The following ATP2B3 variants were observed in gnomAD, a reference collection of about 807,000 sequenced individuals.
The protein encoded by ATP2B3 is ATPase plasma membrane Ca2+ transporting 3.
Under a neutral mutation model 70.8 loss-of-function variants are expected in ATP2B3, and 12 were observed. The observed-to-expected ratio is 0.17, with a 90% CI of 0.11 to 0.27. ATP2B3 has a LOEUF of 0.27. ATP2B3 is among the 10% of genes least tolerant of loss of function. The pLI is 1.00. For missense variants in ATP2B3, 858 were observed against 1,118.5 expected, an observed-to-expected ratio of 0.77 and a Z score of 3.32; for synonymous variants, 460 against 497.8, an observed-to-expected ratio of 0.92 and a Z score of 1.01.
chrX:153,533,515 G>A (rs1389125550), intron 2 of ATP2B3, among the ~76,000 whole-genome samples: 1 of 110,713 alleles, frequency 9.0e-6, no homozygotes, highest in East Asian at 2.8e-4. Context: ...GACTGAAACA[G>A]GGGCTCGCTG....
At chrX:153,523,759 G>A (rs184559824) in intron 2 of ATP2B3, among the ~76,000 whole-genome samples, 3,715 of 90,042 alleles carry the variant, frequency 0.041, 98 homozygotes, top group East Asian at 0.13. Flanking sequence ...GCAGTGGCGC[G>A]ATCTCAGCTC....
chrX:153,556,386 C>T lies in ATP2B3; in HGVS notation c.2294C>T (p.Ser765Leu), dbSNP rs1557013632. 1 of 1,205,866 alleles carries T rather than the reference C, an allele frequency of 8.3e-7. No individual in the cohort carries two copies. Among genetic ancestry groups the T allele is most frequent in the Non-Finnish European group, 1.1e-6 (1 of 893,195 alleles). Residue 765 changes from serine (S) to leucine (L), a missense_variant, in exon 15 of 22, where the codon TCG (serine) becomes TTG (leucine). Physicochemically the swap from Ser to Leu is moderately radical, Grantham distance 145. This residue lies in a region of ATP2B3 where 242 missense variants were observed against 281.3 expected (regional missense o/e 0.86). Coordinates refer to ENST00000263519, the MANE Select transcript of ATP2B3 (RefSeq NM_001001344.3). ...VWPKLRVLAR[S>L]SPTDKHTLVK... Reference sequence around the variant, plus strand: ...CCCAAGCTGAGGGTGCTGGCCCGGTCGTCTCCCACCGACAAGCACACACTG... The same window carrying T: ...CCCAAGCTGAGGGTGCTGGCCCGGTTGTCTCCCACCGACAAGCACACACTG...
At chrX:153,571,003 TACACACAC>T (rs879951205) in intron 21 of ATP2B3, among the ~76,000 whole-genome samples, 6 of 87,623 alleles carry the variant, frequency 6.8e-5, no homozygotes, top group African/African-American at 2.5e-4. Context: ...CGTGCGCGCG[TACACACAC>T]ACACACACAC....
rs1481889564 is a variant in ATP2B3 at position 153,549,748 on chromosome X, G to C, written c.1581+9G>C. On this transcript the variant is annotated intron_variant, in intron 11 of 21. Coordinates refer to ENST00000263519, the MANE Select transcript of ATP2B3 (RefSeq NM_001001344.3). ...ATACCACCAAAATACTAGTGAGCTG[G>C]GGCAGGAGCGGGCGGGCAGGGCCGG... is the stretch of plus-strand genomic sequence containing the variant. 8.3e-7 allele frequency: 1 copy of C among 1,205,132 alleles called. No homozygotes were observed. The highest frequency in any genetic ancestry group is 1.1e-6 in the Non-Finnish European group (1 of 892,541).
At chrX:153,571,016 A>G (rs1557019766) in intron 21 of ATP2B3, among the ~76,000 whole-genome samples, 2 of 107,408 alleles carry the variant, frequency 1.9e-5, no homozygotes, top group African/African-American at 6.8e-5. Context: ...ACACACACAC[A>G]CACACACACA....
At position 153,536,012 on chromosome X, in the gene ATP2B3, G is replaced by A. The variant is rs782380582; in HGVS notation, c.-126-110G>A. ...GCCTGGGAGGTGATTTCTGCACTTC[G>A]AGGGTCATGGCACAGACTGAGTGAA... On this transcript the variant is annotated intron_variant, in intron 2 of 21. Coordinates refer to ENST00000263519, the MANE Select transcript of ATP2B3 (RefSeq NM_001001344.3). 1.0e-3 allele frequency: 457 copies of A among 437,472 alleles called. 1 individual carries two copies. The highest frequency in any genetic ancestry group is 1.6e-3 in the Non-Finnish European group (393 of 249,277). The allele number at this position is 437,472 out of a possible 1,213,427, so 36.1% of individuals were successfully genotyped here. A position where few individuals can be genotyped will look rare whatever the true frequency, so the allele number is the denominator to read the frequency against.
At chrX:153,518,278 C>T (rs111310928) in intron 1 of ATP2B3, among the ~76,000 whole-genome samples, 154 bp from the exon 2 acceptor site, 1 of 112,300 alleles carries the variant, frequency 8.9e-6, no homozygotes, top group Non-Finnish European at 1.9e-5. Flanking sequence ...CCCTCCCCCC[C>T]GCGCCCTCAC....
intron 2 of ATP2B3, among the ~76,000 whole-genome samples, chrX:153,530,651 C>A (rs1251518819): frequency 8.9e-6 from 1 of 111,809 alleles, no homozygotes; most frequent in African/African-American, 3.3e-5. Flanking sequence ...GGCTGCCCTG[C>A]AGGGCAGAGC....
In ATP2B3 at chrX:153,579,833, C is replaced by T. The variant is rs73630422; in HGVS notation, c.3343-145C>T. The T allele has an allele frequency of 0.013, 6,562 of 503,839 alleles. 280 individuals are homozygous for T. The African/African-American group carries it at 0.13, about 10-fold the overall frequency. The allele number at this position is 503,839 out of a possible 1,213,427, so 41.5% of individuals were successfully genotyped here. On this transcript the variant is annotated intron_variant, in intron 21 of 21. Transcript: ENST00000263519. ...TCATGCCATGACCCCCAGCCATTGA[C>T]GTGGGTGGAATTTACCAGCACCAGC...
intron 13 of ATP2B3, among the ~76,000 whole-genome samples, chrX:153,555,355 G>A (rs2090518545): frequency 9.0e-6 from 1 of 110,598 alleles, no homozygotes; most frequent in South Asian, 3.9e-4. Flanking sequence ...CCCAGGCCTG[G>A]CGGCTCGGCC....
intron 15 of ATP2B3, 147 bp downstream of exon 15, chrX:153,556,565 A>C: frequency 1.6e-6 from 1 of 624,342 alleles, no homozygotes; most frequent in East Asian, 3.6e-5. Flanking sequence ...GCAGCAGGGC[A>C]GGGGCCCATG....
chrX:153,578,826 C>T (rs781997398), intron 21 of ATP2B3, among the ~76,000 whole-genome samples: 11 of 112,207 alleles, frequency 9.8e-5, no homozygotes, highest in Non-Finnish European at 1.3e-4. Flanking sequence ...GAGGAGGAGA[C>T]GGGAGAGAGG....
chrX:153,534,066 A>G (rs951197826), intron 2 of ATP2B3, among the ~76,000 whole-genome samples: 9 of 111,932 alleles, frequency 8.0e-5, no homozygotes, highest in African/African-American at 2.6e-4. Flanking sequence ...GGGGGCACAG[A>G]GCCTGAACCT....
At chrX:153,558,410 T>A in intron 17 of ATP2B3, 107 bp downstream of exon 17, 1 of 846,652 alleles carries the variant, frequency 1.2e-6, no homozygotes, top group South Asian at 3.1e-5. Flanking sequence ...ATTATTTTAA[T>A]TGAGATCAAA....
At chrX:153,566,704 T>C (rs1330621588) in intron 21 of ATP2B3, among the ~76,000 whole-genome samples, 1 of 110,408 alleles carries the variant, frequency 9.1e-6, no homozygotes, top group African/African-American at 3.3e-5. Flanking sequence ...TGCCTCTTGG[T>C]GTCACCCCAA....
intron 21 of ATP2B3, chrX:153,569,334 G>A: frequency 1.8e-6 from 1 of 548,305 alleles, no homozygotes; most frequent in Non-Finnish European, 3.3e-6. Flanking sequence ...TGTTTGCAGT[G>A]TGCCCTGACT....
chrX:153,538,076 CT>C (rs2090219526), intron 3 of ATP2B3, among the ~76,000 whole-genome samples: 1 of 112,987 alleles, frequency 8.9e-6, no homozygotes, highest in African/African-American at 3.2e-5. Flanking sequence ...CCCCTCCCCT[CT>C]TCAACCCTCA....
intron 10 of ATP2B3, 54 bp downstream of exon 10, chrX:153,548,908 G>A: frequency 1.8e-6 from 2 of 1,110,925 alleles, no homozygotes; most frequent in African/African-American, 1.8e-5. Context: ...ACTGGGGTAA[G>A]AAGTCATTGG....
At chrX:153,574,713 C>T (rs1557020832) in intron 21 of ATP2B3, 2 of 310,478 alleles carry the variant, frequency 6.4e-6, no homozygotes, top group Non-Finnish European at 1.3e-5. Flanking sequence ...GGCCCTTCTC[C>T]ACCCTCATCC....
Sources: allele counts gnomAD v4.1 joint callset (sites outside exome capture counted in the v4.1 genomes callset), GRCh38; gene constraint gnomAD v4.1.1; regional missense constraint gnomAD v4.1.1; transcripts MANE v1.5; gene names NCBI Gene and HGNC (gene_info 2026-07-23, HGNC 2026-07-21).